FRMD4B: variants seen among roughly 807,000 people sequenced by gnomAD.
The protein encoded by FRMD4B is FERM domain containing 4B.
A neutral mutation model predicts 141.5 loss-of-function variants in FRMD4B; 74 were observed. That is an observed-to-expected ratio of 0.52 (90% CI 0.43 to 0.63). The LOEUF (loss-of-function observed/expected upper bound fraction) is 0.63, where lower values mean the gene tolerates loss of function less well. FRMD4B is among the 30% of genes least tolerant of loss of function. The pLI is 0.00. For synonymous variants in FRMD4B, 506 were observed against 467.9 expected, an observed-to-expected ratio of 1.08 and a Z score of -1.05; for missense variants, 1,366 against 1,253.4, an observed-to-expected ratio of 1.09 and a Z score of -1.36.
chr3:69,492,132 A>G (rs541658004), intron 1 of FRMD4B, among the ~76,000 whole-genome samples: 64 of 152,260 alleles, frequency 4.2e-4, no homozygotes, highest in South Asian at 1.0e-3. Context: ...TCTGTTTTCT[A>G]TATCTTGCAT....
At position 69,385,906 on chromosome 3, in the gene FRMD4B, C is replaced by G. The variant is rs759899232; in HGVS notation, c.84G>C (p.Leu28=). Residue 28 remains leucine (L), a synonymous_variant, in exon 1 of 23, where the codon CTG becomes CTC. Transcript: ENST00000398540. ...GCAGCCTCTCCGTGTACCATCTCCG[C>G]AGCGTGGACACGGTCAAGTTCCATA... ...RFVWNLTVST[L]RRWYTERLRA... is the part of the protein sequence containing the mutation. The G allele has an allele frequency of 6.2e-7, 1 of 1,604,410 alleles. No homozygotes were observed. Among genetic ancestry groups the G allele is most frequent in the South Asian group, 1.1e-5 (1 of 88,640 alleles).
At chr3:69,255,326 T>C (rs1457142902) in intron 5 of FRMD4B, among the ~76,000 whole-genome samples, 1 of 152,196 alleles carries the variant, frequency 6.6e-6, no homozygotes, top group Non-Finnish European at 1.5e-5. Flanking sequence ...GCAGACATAC[T>C]AACAGCTTTT....
At chr3:69,257,666 CT>C (rs941715187) in intron 5 of FRMD4B, among the ~76,000 whole-genome samples, 4 of 149,306 alleles carry the variant, frequency 2.7e-5, no homozygotes, top group South Asian at 2.1e-4. Flanking sequence ...TCAGGATTGG[CT>C]TTTTTTTTTC....
At chr3:69,202,650 G>A (rs1206010373) in intron 11 of FRMD4B, among the ~76,000 whole-genome samples, 1 of 152,098 alleles carries the variant, frequency 6.6e-6, no homozygotes, top group Admixed American at 6.6e-5. Flanking sequence ...ACACTATGTT[G>A]TTTTTAGACA....
chr3:69,305,104 C>T (rs546817382), intron 3 of FRMD4B, among the ~76,000 whole-genome samples: 1 of 152,292 alleles, frequency 6.6e-6, no homozygotes, highest in South Asian at 2.1e-4. Flanking sequence ...GGATTTGAAT[C>T]CAGGGCTTCC....
Position 69,496,422 on chromosome 3 carries a change from T to C in FRMD4B, c.-129+45784A>G, listed in dbSNP as rs554072283. ...CTGGCCATATTGATTGATTTAAAGA[T>C]GGGCGAGTGACCCAAGTTCATCCAA... On this transcript the variant is annotated intron_variant, in intron 1 of 5. Coordinates refer to the FRMD4B transcript ENST00000459638. Among the ~76,000 whole-genome samples the C allele has an allele frequency of 6.6e-5, 10 of 152,204 alleles. No homozygotes were observed. In the South Asian group the frequency reaches 1.9e-3, roughly 28 times the overall value.
intron 5 of FRMD4B, among the ~76,000 whole-genome samples, chr3:69,253,055 C>T (rs1429185746): frequency 6.6e-6 from 1 of 152,050 alleles, no homozygotes; most frequent in Non-Finnish European, 1.5e-5. Context: ...TTGTCTTTGG[C>T]TTCTTGGCTC....
rs577615658 is a variant in FRMD4B at position 69,182,463 on chromosome 3, C to T, written c.2039+135G>A. On this transcript the variant is annotated intron_variant, in intron 20 of 22. Coordinates refer to ENST00000398540, the MANE Select transcript of FRMD4B (RefSeq NM_015123.3). ...CAACATATTTGAAACCATAAGTTAGCAGAAAATGTAAAACCATAAAACAAG... is the reference window on the plus strand; with the variant it reads ...CAACATATTTGAAACCATAAGTTAGTAGAAAATGTAAAACCATAAAACAAG... 4 of 744,408 alleles carry T rather than the reference C, an allele frequency of 5.4e-6. No individual in the cohort carries two copies. In the African/African-American group the frequency reaches 7.2e-5, roughly 13 times the overall value. The allele number at this position is 744,408 out of a possible 1,614,324, so 46.1% of individuals were successfully genotyped here.
At chr3:69,177,104 G>T (rs986969604) in intron 21 of FRMD4B, among the ~76,000 whole-genome samples, 1 of 152,126 alleles carries the variant, frequency 6.6e-6, no homozygotes, top group Non-Finnish European at 1.5e-5. Context: ...TTGGGAAGCC[G>T]AGGCGGGAGG....
intron 5 of FRMD4B, among the ~76,000 whole-genome samples, chr3:69,274,644 A>G (rs2093609888): frequency 6.6e-6 from 1 of 152,076 alleles, no homozygotes; most frequent in South Asian, 2.1e-4. Flanking sequence ...TCAATCTCCC[A>G]AGTAGCTGGG....
chr3:69,521,773 C>A (rs922847547), intron 1 of FRMD4B, among the ~76,000 whole-genome samples: 2 of 152,146 alleles, frequency 1.3e-5, no homozygotes, highest in African/African-American at 4.8e-5. Flanking sequence ...CTAGGAATAC[C>A]CACCCCGCAG....
chr3:69,385,393 G>T (rs544858365), intron 1 of FRMD4B, among the ~76,000 whole-genome samples: 1 of 152,186 alleles, frequency 6.6e-6, no homozygotes, highest in Non-Finnish European at 1.5e-5. Context: ...AAATCCAACG[G>T]AAGGATAAAA....
intron 2 of FRMD4B, among the ~76,000 whole-genome samples, chr3:69,399,739 C>T (rs1007534092): frequency 6.6e-6 from 1 of 152,166 alleles, no homozygotes; most frequent in Non-Finnish European, 1.5e-5. Context: ...TAATGTTGAT[C>T]CCTCAAAGCA....
intron 1 of FRMD4B, among the ~76,000 whole-genome samples, chr3:69,509,258 G>A (rs563262593): frequency 7.9e-5 from 12 of 152,308 alleles, no homozygotes; most frequent in Admixed American, 3.9e-4. Flanking sequence ...GGAAGCGATC[G>A]CTTGCAGTGC....
At chr3:69,349,458 A>C (rs1314124331) in intron 1 of FRMD4B, among the ~76,000 whole-genome samples, 2 of 152,208 alleles carry the variant, frequency 1.3e-5, no homozygotes, top group Non-Finnish European at 2.9e-5. Context: ...TTCTTCACAG[A>C]ATTGGAAAAA....
chr3:69,205,397 T>G (rs1334473891), intron 11 of FRMD4B, among the ~76,000 whole-genome samples: 1 of 152,148 alleles, frequency 6.6e-6, no homozygotes. Context: ...CTTGTAGAGA[T>G]GGGGTCTTCC....
intron 11 of FRMD4B, among the ~76,000 whole-genome samples, chr3:69,205,155 G>T (rs1245406930): frequency 6.6e-6 from 1 of 150,492 alleles, no homozygotes; most frequent in South Asian, 2.1e-4. Flanking sequence ...TGCGGGATAG[G>T]ACTGAGTCCC....
At chr3:69,287,896 A>G in intron 4 of FRMD4B, 60 bp from the exon 5 acceptor site, 2 of 751,364 alleles carry the variant, frequency 2.7e-6, no homozygotes, top group South Asian at 3.5e-5. Context: ...AGCATTCCTC[A>G]TTCAGTGTTC....
At chr3:69,387,872 A>G (rs772574382), upstream of FRMD4B, among the ~76,000 whole-genome samples, 1 of 152,184 alleles carries the variant, frequency 6.6e-6, no homozygotes, top group Non-Finnish European at 1.5e-5. Context: ...AAGATTTGCA[A>G]ACCTTTCTTC....
Sources: gnomAD v4.1 joint callset for allele counts (sites outside exome capture counted in the v4.1 genomes callset) on GRCh38, gnomAD v4.1.1 for gene constraint, MANE v1.5 for transcripts, NCBI Gene and HGNC (gene_info 2026-07-23, HGNC 2026-07-21) for gene names.